ANKRD17: variants seen among roughly 807,000 people sequenced by gnomAD.
ANKRD17 encodes the protein ankyrin repeat domain-containing protein 17.
A neutral mutation model predicts 229.7 loss-of-function variants in ANKRD17; 19 were observed. That is an observed-to-expected ratio of 0.08 (90% CI 0.06 to 0.12). The LOEUF is 0.12. Ranked by LOEUF, ANKRD17 falls within the 10% of genes least tolerant of loss-of-function variation. The pLI is 1.00. For synonymous variants in ANKRD17, 1,112 were observed against 1,146.1 expected, an observed-to-expected ratio of 0.97 and a Z score of 0.60; for missense variants, 2,176 against 3,176.8, an observed-to-expected ratio of 0.68 and a Z score of 7.57.
chr4:73,078,951 A>T, intron 30 of ANKRD17, 61 bp from the exon 31 acceptor site: 1 of 1,499,890 alleles, frequency 6.7e-7, no homozygotes, highest in Non-Finnish European at 9.0e-7. Flanking sequence ...AATTTTATAA[A>T]ACCAAATCTT....
At chr4:73,088,598 G>A (rs1228082611) in intron 29 of ANKRD17, among the ~76,000 whole-genome samples, 7 of 151,884 alleles carry the variant, frequency 4.6e-5, no homozygotes, top group Admixed American at 6.6e-5. Context: ...CATTTCCTAC[G>A]CACTGGCACA....
intron 1 of ANKRD17, among the ~76,000 whole-genome samples, chr4:73,201,951 C>T (rs1482436650): frequency 6.6e-6 from 1 of 152,182 alleles, no homozygotes; most frequent in Admixed American, 6.5e-5. Context: ...ACTGCACTGA[C>T]ACTATTTCTA....
At position 73,124,908 on chromosome 4, in the gene ANKRD17, AT is replaced by A. The variant is rs777142966; in HGVS notation, c.3492+4del. Reference sequence around the variant, plus strand: ...GAAAACAATTACACTAAGGGGAAACATTACCTCCTGTCTTCCCCCAGAACAA... The same window carrying A: ...GAAAACAATTACACTAAGGGGAAACATACCTCCTGTCTTCCCCCAGAACAA... On this transcript the variant is annotated splice_donor_region_variant and intron_variant, in intron 18 of 33. Transcript: ENST00000358602. The A allele has an allele frequency of 9.9e-6, 16 of 1,613,538 alleles. No homozygotes were observed. The African/African-American group carries it at 2.1e-4, about 22-fold the overall frequency.
Position 73,121,058 on chromosome 4 carries a change from T to C in ANKRD17, c.3672A>G (p.Leu1224=). 1 of 1,613,862 alleles carries C rather than the reference T, an allele frequency of 6.2e-7. No individual in the cohort carries two copies. Among genetic ancestry groups the C allele is most frequent in the African/African-American group, 1.3e-5 (1 of 75,016 alleles). The change falls in exon 20 of 34, where the codon TTA becomes TTG. Residue 1224 remains leucine (L), a synonymous_variant. Transcript: ENST00000358602. ...GSKLGISPLM[L]AAMNGHTAAV... Reference sequence around the variant, plus strand: ...CAGCTGTATGCCCATTCATAGCTGCTAACATCAGAGGAGAGATGCCCAATT... The same window carrying C: ...CAGCTGTATGCCCATTCATAGCTGCCAACATCAGAGGAGAGATGCCCAATT...
chr4:73,118,558 A>T, intron 22 of ANKRD17, 130 bp downstream of exon 22: 1 of 1,004,884 alleles, frequency 1.0e-6, no homozygotes, highest in Non-Finnish European at 1.5e-6. Context: ...CCATAAGAGT[A>T]ATTATTTGCA....
chr4:73,083,450 T>G (rs1307555459), intron 30 of ANKRD17, among the ~76,000 whole-genome samples: 1 of 152,090 alleles, frequency 6.6e-6, no homozygotes, highest in African/African-American at 2.4e-5. Context: ...AGAGAGAAAA[T>G]AAATATAACA....
rs536663849 is a variant in ANKRD17 at position 73,258,427 on chromosome 4, C to G, written c.242G>C (p.Arg81Pro). 222 of 1,610,248 alleles carry G rather than the reference C, an allele frequency of 1.4e-4. 1 individual carries two copies. In the South Asian group the frequency reaches 1.4e-3, roughly 10 times the overall value. Reference sequence around the variant, plus strand: ...GCTGCTTTCGCTGCTGCTGGGGGGTCGGCAAGTCCGGTTACGCTTGGCCTT... The same window carrying G: ...GCTGCTTTCGCTGCTGCTGGGGGGTGGGCAAGTCCGGTTACGCTTGGCCTT... ...HHKAKRNRTC[R>P]PPSSSESSSD... is the part of the protein sequence containing the mutation. The change falls in exon 1 of 34, where the codon CGA (arginine) becomes CCA (proline). Residue 81 changes from arginine to proline, a missense_variant. Transcript: ENST00000358602.
Position 73,120,299 on chromosome 4 carries a change from T to C in ANKRD17, c.3888A>G (p.Gly1296=), listed in dbSNP as rs1187896326. The change falls in exon 21 of 34, where the codon GGA becomes GGG. Residue 1296 remains glycine (G), a synonymous_variant. Coordinates refer to ENST00000358602, the MANE Select transcript of ANKRD17 (RefSeq NM_032217.5). ...AAAGAACTCGGCCCACCTCCGCATATCCACCAGAGGCAGCTTCCATTAGTG... is the reference window on the plus strand; with the variant it reads ...AAAGAACTCGGCCCACCTCCGCATACCCACCAGAGGCAGCTTCCATTAGTG... ...LTPLMEAASG[G]YAEVGRVLLD... is the part of the protein sequence containing the mutation. 6.2e-7 allele frequency: 1 copy of C among 1,614,030 alleles called. No individual in the cohort carries two copies.
intron 1 of ANKRD17, among the ~76,000 whole-genome samples, chr4:73,192,440 A>G (rs1418495917): frequency 6.6e-6 from 1 of 152,108 alleles, no homozygotes; most frequent in Non-Finnish European, 1.5e-5. Flanking sequence ...GCAAGAATGT[A>G]CACAAAAAAT....
intron 1 of ANKRD17, among the ~76,000 whole-genome samples, chr4:73,208,627 AG>A (rs1301652505): frequency 6.6e-6 from 1 of 152,246 alleles, no homozygotes; most frequent in Non-Finnish European, 1.5e-5. Context: ...CTTAGGCATT[AG>A]AGATCAATCC....
At chr4:73,086,775 T>C (rs776363219) in intron 29 of ANKRD17, among the ~76,000 whole-genome samples, 12 of 149,516 alleles carry the variant, frequency 8.0e-5, no homozygotes, top group Non-Finnish European at 1.8e-4. Context: ...TTACCTTTTA[T>C]TAGCTTTTAT....
chr4:73,234,850 C>T (rs1452253336), intron 1 of ANKRD17, among the ~76,000 whole-genome samples: 1 of 152,152 alleles, frequency 6.6e-6, no homozygotes, highest in East Asian at 1.9e-4. Context: ...GCCCAACTGA[C>T]CTAGCACTGT....
At chr4:73,171,178 G>GGAGAGGGAGA (rs1553928537) in intron 2 of ANKRD17, among the ~76,000 whole-genome samples, 4 of 104,446 alleles carry the variant, frequency 3.8e-5, no homozygotes, top group African/African-American at 1.6e-4. Context: ...CTCAGAGGGG[G>GGAGAGGGAGA]GAGAGAGAGA....
At chr4:73,200,501 G>A (rs1412346679) in intron 1 of ANKRD17, among the ~76,000 whole-genome samples, 1 of 152,094 alleles carries the variant, frequency 6.6e-6, no homozygotes, top group East Asian at 1.9e-4. Flanking sequence ...GTTTTGGGGA[G>A]TGGCCTGGGC....
chr4:73,195,019 CTGAT>C (rs1399422122), intron 1 of ANKRD17, among the ~76,000 whole-genome samples: 2 of 152,110 alleles, frequency 1.3e-5, no homozygotes, highest in Non-Finnish European at 2.9e-5. Context: ...GCTAAACTCA[CTGAT>C]TAATTATTGT....
Position 73,141,760 on chromosome 4 carries a change from A to G in ANKRD17, c.2313T>C (p.Thr771=). 15 of 1,613,810 alleles carry G rather than the reference A, an allele frequency of 9.3e-6. No homozygotes were observed. The highest frequency in any genetic ancestry group is 1.1e-5 in the Non-Finnish European group (13 of 1,179,762). The stretch of plus-strand genomic sequence containing the variant: ...ACTGACCTTTATTCCTGATGGGAAG[A>G]GTGGTGGCAACATTGGCAGGTGGTT... The part of the protein sequence containing the change: ...PDKPPANVAT[T]LPIRNKAASK... Residue 771 remains threonine (T), a synonymous_variant, in exon 14 of 34, where the codon ACT becomes ACC. Coordinates refer to ENST00000358602, the MANE Select transcript of ANKRD17 (RefSeq NM_032217.5).
rs1721252244 is a variant in ANKRD17, at chr4:73,078,657, T to C, written c.7393A>G (p.Ile2465Val). 6.2e-7 allele frequency: 1 copy of C among 1,613,978 alleles called. No homozygotes were observed. Among genetic ancestry groups the C allele is most frequent in the South Asian group, 1.1e-5 (1 of 91,076 alleles). Residue 2465 changes from isoleucine to valine, a missense_variant, in exon 31 of 34, where the codon ATT (isoleucine) becomes GTT (valine). Transcript: ENST00000358602. ...AATATCCTACCTTGATTGCCACCAA[T>C]CCCTTCAAAGGACCAGATGCCACTA... is the stretch of plus-strand genomic sequence containing the variant. ...GHSGIWSFEG[I>V]GGNQDKVDWC...
rs115322563 is a variant in ANKRD17, at chr4:73,227,496, T to C, written c.393+30780A>G. ...CAAGAAAATTGTCTTCCCATTTATC[T>C]AAAATGGATTTCAATGGCACAAGAC... On this transcript the variant is annotated intron_variant, in intron 1 of 33. Transcript: ENST00000358602. Among the ~76,000 whole-genome samples the C allele has an allele frequency of 1.6e-3, 251 of 152,272 alleles. 1 individual carries two copies. The highest frequency in any genetic ancestry group is 5.4e-3 in the African/African-American group (225 of 41,554).
rs1578048863 is a variant in ANKRD17 at position 73,101,209 on chromosome 4, A to G, written c.4573+1167T>C. 5.1e-6 allele frequency: 5 copies of G among 976,426 alleles called. No individual in the cohort carries two copies. In the East Asian group the frequency reaches 5.7e-4, roughly 111 times the overall value. The allele number at this position is 976,426 out of a possible 1,614,324, so 60.5% of individuals were successfully genotyped here. A position where few individuals can be genotyped will look rare whatever the true frequency, so the allele number is the denominator to read the frequency against. Reference sequence around the variant, plus strand: ...AAAGGGACAGGATTACTATACTTCCATCCCAAATAACCTTTTGATTATAAC... The same window carrying G: ...AAAGGGACAGGATTACTATACTTCCGTCCCAAATAACCTTTTGATTATAAC... On this transcript the variant is annotated intron_variant, in intron 25 of 33. Coordinates refer to ENST00000358602, the MANE Select transcript of ANKRD17 (RefSeq NM_032217.5).
Sources: gnomAD v4.1 joint callset for allele counts (sites outside exome capture counted in the v4.1 genomes callset) on GRCh38, gnomAD v4.1.1 for gene constraint, MANE v1.5 for transcripts, NCBI Gene and HGNC (gene_info 2026-07-23, HGNC 2026-07-21) for gene names.